URI1: variants seen among roughly 807,000 people sequenced by gnomAD.
URI1 encodes the protein URI1 prefoldin like chaperone.
Under a neutral mutation model 60.2 loss-of-function variants are expected in URI1, and 39 were observed. That is an observed-to-expected ratio of 0.65 (90% CI 0.50 to 0.85). URI1 has a LOEUF of 0.85. Ranked by LOEUF, URI1 falls within the 40% of genes least tolerant of loss-of-function variation. URI1 has a pLI of 0.00. For synonymous variants in URI1, 251 were observed against 236.8 expected, an observed-to-expected ratio of 1.06 and a Z score of -0.55; for missense variants, 691 against 665.9, an observed-to-expected ratio of 1.04 and a Z score of -0.42.
chr19:29,984,804 G>A (rs2055642113), intron 2 of URI1, among the ~76,000 whole-genome samples: 1 of 152,020 alleles, frequency 6.6e-6, no homozygotes, highest in Admixed American at 6.6e-5. Context: ...CACCACACAC[G>A]ACTGAAAGAA....
intron 4 of URI1, among the ~76,000 whole-genome samples, chr19:30,002,896 G>C (rs1400385319): frequency 1.3e-5 from 2 of 151,820 alleles, no homozygotes; most frequent in Non-Finnish European, 2.9e-5. Context: ...AGTGTGGTTT[G>C]AAATTTTGCT....
At chr19:29,936,660 C>T (rs1359050789) in intron 1 of URI1, among the ~76,000 whole-genome samples, 5 of 152,162 alleles carry the variant, frequency 3.3e-5, no homozygotes, top group Non-Finnish European at 7.4e-5. Context: ...TTTTCTGTCC[C>T]TTCCTGTTCC....
chr19:29,950,163 C>T (rs1476966874), intron 1 of URI1, among the ~76,000 whole-genome samples: 7 of 149,744 alleles, frequency 4.7e-5, no homozygotes. Flanking sequence ...TGGAAGTTGT[C>T]AATAAACATA....
intron 4 of URI1, among the ~76,000 whole-genome samples, chr19:29,997,282 G>A (rs1334176815): frequency 6.6e-6 from 1 of 152,058 alleles, no homozygotes; most frequent in Non-Finnish European, 1.5e-5. Flanking sequence ...TTGGTAGTTT[G>A]TGTTTTTCTA....
At position 30,011,163 on chromosome 19, in the gene URI1, C is replaced by T. The variant is rs1222781830; in HGVS notation, c.1105C>T (p.Arg369Ter). The change falls in exon 9 of 11, where the codon CGA (arginine) becomes TGA (stop). Residue 369 changes from arginine (R) to a stop codon, truncating the protein, a stop_gained. Transcript: ENST00000392271. LOFTEE classifies it high-confidence loss of function. ...AAAGAAAGAAGAAGCCAAACGTAAA[C>T]GAAAGAACAGCACTGGCAGTGGCCA... is the stretch of plus-strand genomic sequence containing the variant. ...SEKKEEAKRK[R>*]KNSTGSGHSA... 7 of 1,612,338 alleles carry T rather than the reference C, an allele frequency of 4.3e-6. No individual in the cohort carries two copies. The highest frequency in any genetic ancestry group is 2.2e-5 in the East Asian group (1 of 44,728).
rs1402867450 is a variant in URI1, at chr19:30,016,493, A to G, written c.*1424A>G. On this transcript the variant is annotated 3_prime_UTR_variant, in exon 11 of 11. Transcript: ENST00000392271. The stretch of plus-strand genomic sequence containing the variant: ...CCCGTTAGGAATTGCTATTCACATG[A>G]GGCTTTCTGTGCTAGATTTTTTTCT... 2 of 152,134 alleles carry G rather than the reference A, an allele frequency of 1.3e-5. No individual in the cohort carries two copies. The highest frequency in any genetic ancestry group is 2.9e-5 in the Non-Finnish European group (2 of 67,982). 9.4% of individuals were successfully genotyped at this position (152,134 alleles called of 1,614,324 possible).
intron 2 of URI1, among the ~76,000 whole-genome samples, chr19:29,977,629 TTTG>T (rs2055541804): frequency 6.7e-6 from 1 of 149,462 alleles, no homozygotes; most frequent in African/African-American, 2.5e-5. Context: ...TTTGCATGTT[TTTG>T]TTGTTGGAGT....
rs190225011 is a variant in URI1, at chr19:29,960,479, A to G, written c.118-10714A>G. 1.2e-4 allele frequency among the ~76,000 whole-genome samples: 18 copies of G among 152,252 alleles called. No homozygotes were observed. In the East Asian group the frequency reaches 3.3e-3, roughly 28 times the overall value. ...TCATTGTATACAAATTTAAAATTGT[A>G]AAAACTTCCTGGTCAGTTGACCTTT... On this transcript the variant is annotated intron_variant, in intron 1 of 10. Coordinates refer to ENST00000392271, the MANE Select transcript of URI1 (RefSeq NM_003796.3).
intron 2 of URI1, among the ~76,000 whole-genome samples, chr19:29,976,650 G>A (rs779005669): frequency 4.1e-4 from 62 of 152,280 alleles, no homozygotes; most frequent in Middle Eastern, 3.4e-3. Flanking sequence ...ACACAAAAAG[G>A]AAGTCTCCGT....
intron 7 of URI1, among the ~76,000 whole-genome samples, chr19:30,008,606 C>T (rs1323306793): frequency 6.6e-6 from 1 of 151,922 alleles, no homozygotes; most frequent in Non-Finnish European, 1.5e-5. Flanking sequence ...AATACATGCT[C>T]ATTGTAAAAT....
chr19:29,965,706 AATGT>A (rs2055384009), intron 1 of URI1, among the ~76,000 whole-genome samples: 1 of 152,214 alleles, frequency 6.6e-6, no homozygotes, highest in African/African-American at 2.4e-5. Context: ...AGTATTACTG[AATGT>A]ATGTGTCACC....
rs181987187 is a variant in URI1, at chr19:29,968,806, C to T, written c.118-2387C>T. Among the ~76,000 whole-genome samples the T allele has an allele frequency of 4.8e-3, 725 of 151,534 alleles. 7 individuals carry two copies. The highest frequency in any genetic ancestry group is 0.017 in the African/African-American group (685 of 41,306). ...CAGGATGGTCTCGATCTCCTGACCT[C>T]GTGATCCACCCACCTCAGCCTCCCA... On this transcript the variant is annotated intron_variant, in intron 1 of 10. Coordinates refer to ENST00000392271, the MANE Select transcript of URI1 (RefSeq NM_003796.3).
chr19:29,930,359 A>T lies in URI1; in HGVS notation c.63+6605A>T, dbSNP rs528373360. On this transcript the variant is annotated intron_variant, in intron 1 of 10. Transcript: ENST00000360605. ...AGAAACCATTGCCAAATCTAAGATC[A>T]TGATTGCCCCTATGGTTTCTTCTGT... Among the ~76,000 whole-genome samples the T allele has an allele frequency of 8.5e-4, 129 of 152,302 alleles. 1 individual carries two copies. Among genetic ancestry groups the T allele is most frequent in the Middle Eastern group, 3.4e-3 (1 of 294 alleles).
chr19:30,005,518 T>TA, intron 5 of URI1, 66 bp downstream of exon 5: 1 of 1,493,676 alleles, frequency 6.7e-7, no homozygotes, highest in Non-Finnish European at 9.1e-7. Flanking sequence ...GAAGCTATCT[T>TA]ACAGCCAAGG....
rs1056250739 is a variant in URI1 at position 30,005,423 on chromosome 19, T to A, written c.430T>A (p.Phe144Ile). Reference protein sequence around the residue: ...VMKNFESRVEFTEDLQKMSDA... With the variant: ...VMKNFESRVEITEDLQKMSDA... ...GAAAAATTTTGAATCCAGAGTTGAA[T>A]TCACAGAAGATTTGCAGAAAATGAG... is the stretch of plus-strand genomic sequence containing the variant. The change falls in exon 5 of 11, where the codon TTC (phenylalanine) becomes ATC (isoleucine). Residue 144 changes from phenylalanine (F) to isoleucine (I), a missense_variant. Phe to Ile is a conservative substitution (Grantham distance 21). Transcript: ENST00000392271. 2.5e-6 allele frequency: 4 copies of A among 1,602,512 alleles called. No individual in the cohort carries two copies. In the African/African-American group the frequency reaches 4.0e-5, roughly 16 times the overall value.
intron 1 of URI1, among the ~76,000 whole-genome samples, chr19:29,947,103 T>G (rs887749084): frequency 1.3e-5 from 2 of 152,152 alleles, no homozygotes; most frequent in Non-Finnish European, 2.9e-5. Flanking sequence ...TGTGTGGATA[T>G]ATGGAGGATA....
In URI1 at chr19:29,971,183, T is replaced by C. The variant is rs780481453; in HGVS notation, c.118-10T>C. 6.2e-7 allele frequency: 1 copy of C among 1,612,282 alleles called. No individual in the cohort carries two copies. On this transcript the variant is annotated splice_polypyrimidine_tract_variant and intron_variant, in intron 1 of 10. Transcript: ENST00000392271. ...GTTTTTTCATGAGTAGTTATCTGTT[T>C]TCATGACAGGTGGTCACTAACTGCC...
intron 6 of URI1, among the ~76,000 whole-genome samples, chr19:30,006,950 G>A (rs530512122): frequency 7.0e-4 from 106 of 152,174 alleles, no homozygotes; most frequent in African/African-American, 2.4e-3. Context: ...GAGATGAGCC[G>A]CCGTTGTTTC....
At chr19:29,963,284 G>C (rs2055349106) in intron 1 of URI1, among the ~76,000 whole-genome samples, 1 of 152,030 alleles carries the variant, frequency 6.6e-6, no homozygotes, top group Admixed American at 6.6e-5. Flanking sequence ...GGTCTTTTCT[G>C]TATTTTCCAT....
Sources: allele counts gnomAD v4.1 joint callset (sites outside exome capture counted in the v4.1 genomes callset), GRCh38; gene constraint gnomAD v4.1.1; transcripts MANE v1.5; gene names NCBI Gene and HGNC (gene_info 2026-07-23, HGNC 2026-07-21).